SH3TC2: variants seen among roughly 807,000 people sequenced by gnomAD.
SH3TC2 encodes the protein SH3 domain and tetratricopeptide repeats 2.
SH3TC2 carries 87 observed loss-of-function variants against 124.5 expected under a neutral mutation model. The observed-to-expected ratio is 0.70, with a 90% CI of 0.59 to 0.84. The LOEUF (loss-of-function observed/expected upper bound fraction) is 0.84. Ranked by LOEUF, SH3TC2 falls within the 40% of genes least tolerant of loss-of-function variation. SH3TC2 has a pLI of 0.00. For missense variants in SH3TC2, 1,536 were observed against 1,566.4 expected (o/e 0.98, Z 0.33); for synonymous variants, 634 against 628.5 (o/e 1.01, Z -0.13).
chr5:149,033,175 A>G (rs1754225975), intron 8 of SH3TC2, among the ~76,000 whole-genome samples: 1 of 152,198 alleles, frequency 6.6e-6, no homozygotes, highest in Non-Finnish European at 1.5e-5. Context: ...GAGGTCTTCT[A>G]CCTCTGCGTG....
chr5:149,026,758 C>T lies in SH3TC2; in HGVS notation c.2873-6G>A, dbSNP rs1754070564. Reference sequence around the variant, plus strand: ...TTTGGTGGCCTGAAGCTGACCTGAACACAAAGCAGGGACATGAATGAGATG... The same window carrying T: ...TTTGGTGGCCTGAAGCTGACCTGAATACAAAGCAGGGACATGAATGAGATG... On this transcript the variant is annotated splice_polypyrimidine_tract_variant and splice_region_variant and intron_variant, in intron 11 of 16. Transcript: ENST00000515425. 2 of 1,614,204 alleles carry T rather than the reference C, an allele frequency of 1.2e-6. No homozygotes were observed. Among genetic ancestry groups the T allele is most frequent in the Non-Finnish European group, 1.7e-6 (2 of 1,180,042 alleles).
rs1050578982 is a variant in SH3TC2, at chr5:148,989,387, C to T, written c.*15324G>A. ...GTTAATGCTACACAGATACTAAGCACTTTGAGACAAGATTTGAACCTAGGT... is the reference window on the plus strand; with the variant it reads ...GTTAATGCTACACAGATACTAAGCATTTTGAGACAAGATTTGAACCTAGGT... On this transcript the variant is annotated 3_prime_UTR_variant, in exon 17 of 17. Transcript: ENST00000515425. Among the ~76,000 whole-genome samples, 1 of 152,224 alleles carries T rather than the reference C, an allele frequency of 6.6e-6. No individual in the cohort carries two copies. The highest frequency in any genetic ancestry group is 1.5e-5 in the Non-Finnish European group (1 of 68,046).
At chr5:149,047,451 T>C (rs987264393) in intron 3 of SH3TC2, 1 of 257,846 alleles carries the variant, frequency 3.9e-6, no homozygotes, top group Non-Finnish European at 7.7e-6. Context: ...AATCATACAC[T>C]TAAAAAATGA....
chr5:149,062,207 A>C, intron 1 of SH3TC2: 1 of 405,168 alleles, frequency 2.5e-6, no homozygotes, highest in Non-Finnish European at 4.9e-6. Context: ...GCCTCCCCCC[A>C]CCAATCTAAC....
chr5:149,042,938 C>A, intron 4 of SH3TC2, 101 bp from the exon 5 acceptor site: 1 of 1,374,308 alleles, frequency 7.3e-7, no homozygotes, highest in Non-Finnish European at 1.0e-6. Context: ...GATTCCCAGA[C>A]CACAAGCCCC....
At chr5:149,030,595 G>A (rs1561766426) in intron 9 of SH3TC2, among the ~76,000 whole-genome samples, 1 of 152,342 alleles carries the variant, frequency 6.6e-6, no homozygotes, top group South Asian at 2.1e-4. Context: ...TGATCTGCTT[G>A]TGGCTTGTGG....
chr5:149,028,078 C>G lies in SH3TC2; in HGVS notation c.1654G>C (p.Glu552Gln), dbSNP rs551953142. 26 of 1,614,074 alleles carry G rather than the reference C, an allele frequency of 1.6e-5. No individual in the cohort carries two copies. Among genetic ancestry groups the G allele is most frequent in the Non-Finnish European group, 2.2e-5 (26 of 1,180,032 alleles). Residue 552 changes from glutamate (E) to glutamine (Q), a missense_variant, in exon 11 of 17, where the codon GAG becomes CAG. This residue lies in a region of SH3TC2 where 1,102 missense variants were observed against 1,098.6 expected (regional missense o/e 1.00). Transcript: ENST00000515425. ...VKLSQARVYF[E>Q]EAIHILNGAF... ...CCATTGAGAATGTGGATGGCCTCCT[C>G]GAAGTACACCCTGGCCTGAGAGAGT...
intron 12 of SH3TC2, among the ~76,000 whole-genome samples, chr5:149,019,048 T>C (rs1753925281): frequency 6.6e-6 from 1 of 152,204 alleles, no homozygotes; most frequent in Admixed American, 6.5e-5. Context: ...GAGGGGAATT[T>C]AGTTGAAGAA....
In SH3TC2 at chr5:149,053,241, G is replaced by A. The variant is rs567394825; in HGVS notation, c.53-1001C>T. ...TGATACAGCTCAAGAATGCAACAGG[G>A]GTGGAGCAGTCACACTCACTTCTGG... On this transcript the variant is annotated intron_variant, in intron 1 of 16. Transcript: ENST00000515425. Among the ~76,000 whole-genome samples, 15 of 152,302 alleles carry A rather than the reference G, an allele frequency of 9.8e-5. No individual in the cohort carries two copies. The South Asian group carries it at 3.1e-3, about 32-fold the overall frequency.
At position 148,989,741 on chromosome 5, in the gene SH3TC2, G is replaced by A. The variant is rs1488461810; in HGVS notation, c.*14970C>T. Among the ~76,000 whole-genome samples, 1 of 152,184 alleles carries A rather than the reference G, an allele frequency of 6.6e-6. No individual in the cohort carries two copies. The highest frequency in any genetic ancestry group is 1.5e-5 in the Non-Finnish European group (1 of 68,036). On this transcript the variant is annotated 3_prime_UTR_variant, in exon 17 of 17. Transcript: ENST00000515425. ...AACCACTCATTCAAGGGGATCTGGA[G>A]AGTGACCCAGGATAGAGTGAGTCAC...
At chr5:149,043,420 C>T (rs1754404632) in intron 4 of SH3TC2, among the ~76,000 whole-genome samples, 2 of 152,188 alleles carry the variant, frequency 1.3e-5, no homozygotes, top group Admixed American at 6.5e-5. Flanking sequence ...GTATTTTAAA[C>T]ATGGCTATAA....
chr5:149,012,167 T>C (rs948550899), intron 13 of SH3TC2, among the ~76,000 whole-genome samples: 6 of 152,132 alleles, frequency 3.9e-5, no homozygotes, highest in Admixed American at 2.0e-4. Context: ...ATTAAAAGTA[T>C]GCAAACAAAC....
intron 8 of SH3TC2, 84 bp from the exon 9 acceptor site, chr5:149,031,771 G>A: frequency 6.3e-7 from 1 of 1,584,646 alleles, no homozygotes; most frequent in South Asian, 1.1e-5. Context: ...AGGATGTAGT[G>A]GAGGATGCAG....
At chr5:149,035,799 C>G (rs1754274357) in intron 8 of SH3TC2, 1 of 152,172 alleles carries the variant, frequency 6.6e-6, no homozygotes, top group South Asian at 2.1e-4. Context: ...GAGAGGACCC[C>G]TTACAACTAA....
intron 1 of SH3TC2, chr5:149,057,535 A>G (rs1754670950): frequency 6.6e-6 from 1 of 152,202 alleles, no homozygotes; most frequent in Non-Finnish European, 1.5e-5. Flanking sequence ...TTAGCCCAGC[A>G]TCCATTCATT....
chr5:149,020,193 A>G (rs1034915599), intron 12 of SH3TC2, among the ~76,000 whole-genome samples: 5 of 151,988 alleles, frequency 3.3e-5, no homozygotes, highest in Non-Finnish European at 7.4e-5. Context: ...AAAAGTTCTG[A>G]CATATTCCTG....
chr5:149,049,230 C>A (rs1314856902), intron 2 of SH3TC2, among the ~76,000 whole-genome samples: 1 of 152,158 alleles, frequency 6.6e-6, no homozygotes, highest in Admixed American at 6.5e-5. Flanking sequence ...TCTCATGCAA[C>A]CCCTTTCACT....
At chr5:149,056,144 GT>G (rs1201752823) in intron 1 of SH3TC2, among the ~76,000 whole-genome samples, 1 of 151,770 alleles carries the variant, frequency 6.6e-6, no homozygotes, top group Non-Finnish European at 1.5e-5. Flanking sequence ...CGGGGTACAT[GT>G]GAAGGTTTGG....
chr5:149,060,899 G>C (rs947242771), intron 1 of SH3TC2, among the ~76,000 whole-genome samples: 1 of 152,202 alleles, frequency 6.6e-6, no homozygotes, highest in African/African-American at 2.4e-5. Flanking sequence ...ACTTGCCCAA[G>C]GTCACACAAC....
Sources: allele counts gnomAD v4.1 joint callset (sites outside exome capture counted in the v4.1 genomes callset), GRCh38; gene constraint gnomAD v4.1.1; regional missense constraint gnomAD v4.1.1; transcripts MANE v1.5; gene names NCBI Gene and HGNC (gene_info 2026-07-23, HGNC 2026-07-21).